EPHA6: variants seen among roughly 807,000 people sequenced by gnomAD.
EPHA6 encodes EPH receptor A6, also known as ephrin type-A receptor 6.
Under a neutral mutation model 112.0 loss-of-function variants are expected in EPHA6, and 50 were observed. The ratio of observed to expected loss-of-function variants is 0.45; its 90% CI spans 0.36 to 0.56. The LOEUF is 0.56. EPHA6 is among the 20% of genes least tolerant of loss of function. The pLI, the probability that EPHA6 is intolerant of heterozygous loss-of-function variation, is 0.00. For missense variants in EPHA6, 1,280 were observed against 1,417.4 expected, an observed-to-expected ratio of 0.90 and a Z score of 1.56; for synonymous variants, 529 against 490.7, an observed-to-expected ratio of 1.08 and a Z score of -1.03.
At chr3:97,360,246 A>G (rs2084305930) in intron 5 of EPHA6, among the ~76,000 whole-genome samples, 1 of 152,110 alleles carries the variant, frequency 6.6e-6, no homozygotes, top group African/African-American at 2.4e-5. Flanking sequence ...ATCAACTTCA[A>G]TTTATCATCT....
chr3:97,161,734 A>G (rs2076420677), intron 3 of EPHA6, among the ~76,000 whole-genome samples: 1 of 152,160 alleles, frequency 6.6e-6, no homozygotes, highest in African/African-American at 2.4e-5. Context: ...AATTTTTGTC[A>G]TATTTATTTA....
At chr3:97,722,415 G>C (rs996956349) in intron 15 of EPHA6, among the ~76,000 whole-genome samples, 1 of 152,168 alleles carries the variant, frequency 6.6e-6, no homozygotes, top group Non-Finnish European at 1.5e-5. Context: ...CTGAGGCATA[G>C]AGAAGTGACA....
chr3:97,600,667 C>A (rs1419741650), intron 12 of EPHA6, among the ~76,000 whole-genome samples: 1 of 151,976 alleles, frequency 6.6e-6, no homozygotes, highest in Admixed American at 6.6e-5. Flanking sequence ...TGTTTACATA[C>A]AATTTTAGGA....
chr3:97,227,134 C>A (rs889612661), intron 4 of EPHA6, among the ~76,000 whole-genome samples: 2 of 151,276 alleles, frequency 1.3e-5, no homozygotes, highest in Non-Finnish European at 2.9e-5. Flanking sequence ...AAAATAATCA[C>A]CCCTTAGATT....
chr3:96,975,483 T>A (rs1469334564), intron 2 of EPHA6, among the ~76,000 whole-genome samples: 1 of 152,198 alleles, frequency 6.6e-6, no homozygotes, highest in East Asian at 1.9e-4. Context: ...GATTCCTTAT[T>A]GTTATTATGA....
intron 5 of EPHA6, among the ~76,000 whole-genome samples, chr3:97,363,583 A>G (rs2084527877): frequency 6.6e-6 from 1 of 151,990 alleles, no homozygotes; most frequent in Non-Finnish European, 1.5e-5. Context: ...TTAGAAATGG[A>G]AAACAGTATG....
Position 97,589,530 on chromosome 3 carries a change from A to AT in EPHA6, c.2387-3074dup, listed in dbSNP as rs1453111820. On this transcript the variant is annotated intron_variant, in intron 11 of 17. Transcript: ENST00000389672. Reference sequence around the variant, plus strand: ...GGTACTACTAGCATTTTGAGAAATAATTTTTTTTCAGAGATTATACAACTT... The same window carrying AT: ...GGTACTACTAGCATTTTGAGAAATAATTTTTTTTTCAGAGATTATACAACTT... Among the ~76,000 whole-genome samples, 3 of 151,330 alleles carry AT rather than the reference A, an allele frequency of 2.0e-5. No homozygotes were observed. The South Asian group carries it at 6.2e-4, about 31-fold the overall frequency.
chr3:97,304,724 C>T (rs905036815), intron 5 of EPHA6, among the ~76,000 whole-genome samples: 13 of 152,090 alleles, frequency 8.5e-5, no homozygotes, highest in African/African-American at 1.2e-4. Flanking sequence ...CCCTTCCTTA[C>T]GCCTTATACA....
At chr3:96,829,951 A>G (rs112384817) in intron 1 of EPHA6, among the ~76,000 whole-genome samples, 10,145 of 82,162 alleles carry the variant, frequency 0.12, 962 homozygotes, top group African/African-American at 0.39. Context: ...GCGCGCGCGC[A>G]CACACACACA....
chr3:97,270,119 A>T (rs2079830526), intron 5 of EPHA6, among the ~76,000 whole-genome samples: 1 of 152,206 alleles, frequency 6.6e-6, no homozygotes, highest in African/African-American at 2.4e-5. Flanking sequence ...AATTTTCAGA[A>T]AAAGCTAAAA....
intron 14 of EPHA6, among the ~76,000 whole-genome samples, chr3:97,669,104 T>C (rs112377464): frequency 0.027 from 4,129 of 151,942 alleles, 164 homozygotes; most frequent in African/African-American, 0.093. Flanking sequence ...GAGTCATCCC[T>C]GAGTTGCGAG....
intron 11 of EPHA6, 50 bp downstream of exon 11, chr3:97,532,593 T>A (rs756161239): frequency 6.7e-7 from 1 of 1,491,970 alleles, no homozygotes; most frequent in Admixed American, 2.4e-5. Flanking sequence ...TATCTCAGTT[T>A]TTTTTTAAGA....
At chr3:97,410,669 C>A (rs2087655323) in intron 6 of EPHA6, among the ~76,000 whole-genome samples, 1 of 152,040 alleles carries the variant, frequency 6.6e-6, no homozygotes, top group African/African-American at 2.4e-5. Context: ...TGCTGAAATG[C>A]AGATTGTAAT....
In EPHA6 at chr3:97,267,272, A is replaced by C. The variant is rs185652957; in HGVS notation, c.1606+22985A>C. 2.8e-3 allele frequency among the ~76,000 whole-genome samples: 433 copies of C among 152,080 alleles called. 3 individuals are homozygous for C. Among genetic ancestry groups the C allele is most frequent in the African/African-American group, 9.4e-3 (392 of 41,520 alleles). On this transcript the variant is annotated intron_variant, in intron 5 of 17. Coordinates refer to ENST00000389672, the MANE Select transcript of EPHA6 (RefSeq NM_001080448.3). ...TTCCAATGGGTCTATCTTGGTGGGA[A>C]ATCTCTTAATGCTTTTTATGAACAC... is the stretch of plus-strand genomic sequence containing the variant.
At chr3:97,578,794 A>C (rs2093411244) in intron 11 of EPHA6, among the ~76,000 whole-genome samples, 1 of 152,330 alleles carries the variant, frequency 6.6e-6, no homozygotes, top group African/African-American at 2.4e-5. Flanking sequence ...ATTTCAGGGA[A>C]CTAAAACTTC....
intron 5 of EPHA6, among the ~76,000 whole-genome samples, chr3:97,356,636 C>T (rs976431692): frequency 1.3e-5 from 2 of 152,118 alleles, no homozygotes; most frequent in African/African-American, 4.8e-5. Context: ...TGATGTATAA[C>T]TTCACCCTAT....
intron 7 of EPHA6, 96 bp downstream of exon 7, chr3:97,448,826 G>T: frequency 8.7e-7 from 1 of 1,154,214 alleles, no homozygotes; most frequent in Non-Finnish European, 1.3e-6. Flanking sequence ...GTTTTTAATA[G>T]CTTGTTTAAA....
rs187487725 is a variant in EPHA6, at chr3:97,069,452, C to T, written c.1114+81459C>T. Among the ~76,000 whole-genome samples the T allele has an allele frequency of 1.9e-4, 29 of 152,144 alleles. 1 individual carries two copies. Among genetic ancestry groups the T allele is most frequent in the African/African-American group, 7.0e-4 (29 of 41,528 alleles). ...CTGCGCAGTTCAAACTTGTATTGTT[C>T]AAGGGCCAACTGTATTCTTTACTGA... On this transcript the variant is annotated intron_variant, in intron 3 of 17. Coordinates refer to ENST00000389672, the MANE Select transcript of EPHA6 (RefSeq NM_001080448.3).
chr3:97,625,382 A>G (rs150481757), intron 13 of EPHA6, among the ~76,000 whole-genome samples: 72 of 151,774 alleles, frequency 4.7e-4, no homozygotes, highest in African/African-American at 1.6e-3. Context: ...TTCTTACTTT[A>G]TCTGTTGTAG....
Sources: allele counts gnomAD v4.1 joint callset (sites outside exome capture counted in the v4.1 genomes callset), GRCh38; gene constraint gnomAD v4.1.1; transcripts MANE v1.5; gene names NCBI Gene and HGNC (gene_info 2026-07-23, HGNC 2026-07-21).